NFRKB: variants seen among roughly 807,000 people sequenced by gnomAD.
The protein encoded by NFRKB is nuclear factor related to kappaB binding protein, also known as nuclear factor related to kappa-B-binding protein.
Under a neutral mutation model 135.7 loss-of-function variants are expected in NFRKB, and 62 were observed. The observed-to-expected ratio is 0.46, with a 90% CI of 0.37 to 0.56. NFRKB has a LOEUF of 0.56. NFRKB is among the 20% of genes least tolerant of loss of function. The pLI, the probability that NFRKB is intolerant of heterozygous loss-of-function variation, is 0.00. For synonymous variants in NFRKB, 678 were observed against 635.6 expected, an observed-to-expected ratio of 1.07 and a Z score of -1.00; for missense variants, 1,545 against 1,662.0, an observed-to-expected ratio of 0.93 and a Z score of 1.22.
At chr11:129,878,424 AC>A in intron 14 of NFRKB, 39 bp downstream of exon 14, 1 of 1,612,582 alleles carries the variant, frequency 6.2e-7, no homozygotes, top group Non-Finnish European at 8.5e-7. Context: ...AGCTCTGGAA[AC>A]CCAGTGAGAA....
chr11:129,867,350 G>T, intron 24 of NFRKB, among the ~76,000 whole-genome samples: 1 of 131,038 alleles, frequency 7.6e-6, no homozygotes, highest in African/African-American at 2.9e-5. Flanking sequence ...TTTTGAGACA[G>T]AGTCTTGCTC....
intron 24 of NFRKB, among the ~76,000 whole-genome samples, chr11:129,866,475 T>G (rs1215350202): frequency 6.6e-6 from 1 of 151,048 alleles, no homozygotes; most frequent in African/African-American, 2.4e-5. Context: ...GGGCCACTGG[T>G]GAGGAACAAA....
chr11:129,888,945 T>C, intron 3 of NFRKB, 150 bp from the exon 4 acceptor site: 1 of 599,076 alleles, frequency 1.7e-6, no homozygotes, highest in South Asian at 2.4e-5. Flanking sequence ...TGCATTCACA[T>C]TTGCTGTGCA....
chr11:129,878,560 G>C lies in NFRKB; in HGVS notation c.1385-17C>G. On this transcript the variant is annotated splice_polypyrimidine_tract_variant and intron_variant, in intron 13 of 26. Coordinates refer to ENST00000682444, the MANE Select transcript of NFRKB (RefSeq NM_001143835.2). The stretch of plus-strand genomic sequence containing the variant: ...GGGATTGGCCTATTAGAGGAATAAA[G>C]AGATAAAAAAATAAGAAGGTCTAAG... The C allele has an allele frequency of 3.1e-6, 5 of 1,602,158 alleles. No individual in the cohort carries two copies. Among genetic ancestry groups the C allele is most frequent in the Non-Finnish European group, 3.4e-6 (4 of 1,170,724 alleles).
chr11:129,894,264 G>A (rs898513619), intron 2 of NFRKB, 95 bp downstream of exon 2: 4 of 152,082 alleles, frequency 2.6e-5, no homozygotes, highest in African/African-American at 9.7e-5. Flanking sequence ...GGGCTAAAAA[G>A]CATACTAAAA....
chr11:129,875,048 T>C, intron 18 of NFRKB, 132 bp from the exon 19 acceptor site: 2 of 1,088,998 alleles, frequency 1.8e-6, no homozygotes, highest in Non-Finnish European at 2.7e-6. Context: ...TAGCTGCGTA[T>C]TCCCAATAGT....
chr11:129,887,293 C>CT (rs759498928), intron 4 of NFRKB, among the ~76,000 whole-genome samples: 3 of 152,274 alleles, frequency 2.0e-5, no homozygotes, highest in Non-Finnish European at 2.9e-5. Context: ...GAAAATGAGA[C>CT]TATCACATGA....
Position 129,881,786 on chromosome 11 carries a change from G to A in NFRKB, c.1259C>T (p.Ala420Val). 1.2e-6 allele frequency: 2 copies of A among 1,613,982 alleles called. No individual in the cohort carries two copies. The highest frequency in any genetic ancestry group is 1.7e-6 in the Non-Finnish European group (2 of 1,179,996). Residue 420 changes from alanine (A) to valine (V), a missense_variant, in exon 12 of 27, where the codon GCC becomes GTC. Ala to Val is a moderately conservative substitution (Grantham distance 64). Coordinates refer to ENST00000682444, the MANE Select transcript of NFRKB (RefSeq NM_001143835.2). ...TAGTACCAACTCAGCCCAGTTGGGG[G>A]CCGCAGAGAACCAGCTGTTGAGGGA... is the stretch of plus-strand genomic sequence containing the variant. ...ASSLNSWFSA[A>V]PNWAELVLPA... is the part of the protein sequence containing the mutation.
intron 8 of NFRKB, among the ~76,000 whole-genome samples, 173 bp from the exon 9 acceptor site, chr11:129,883,379 ATTAAC>A (rs1378943175): frequency 6.6e-6 from 1 of 152,218 alleles, no homozygotes; most frequent in African/African-American, 2.4e-5. Context: ...TCCCCATTTA[ATTAAC>A]TTGATACTGC....
At chr11:129,875,243 G>A in intron 18 of NFRKB, 114 bp downstream of exon 18, 1 of 912,444 alleles carries the variant, frequency 1.1e-6, no homozygotes, top group African/African-American at 1.7e-5. Flanking sequence ...ATTTTTCAAG[G>A]TATGTTTTTC....
chr11:129,876,710 G>C lies in NFRKB; in HGVS notation c.1747+11C>G. 1 of 1,609,780 alleles carries C rather than the reference G, an allele frequency of 6.2e-7. No individual in the cohort carries two copies. Among genetic ancestry groups the C allele is most frequent in the Non-Finnish European group, 8.5e-7 (1 of 1,177,542 alleles). ...GAAAGGGATCTCTGATAATCGACAC[G>C]TGCCACCTACCAAGAGACAGAATGG... On this transcript the variant is annotated intron_variant, in intron 17 of 26. Transcript: ENST00000682444.
In NFRKB at chr11:129,888,807, A is replaced by G; in HGVS notation, c.136-12T>C. The G allele has an allele frequency of 6.2e-7, 1 of 1,603,628 alleles. No homozygotes were observed. The highest frequency in any genetic ancestry group is 8.5e-7 in the Non-Finnish European group (1 of 1,172,626). On this transcript the variant is annotated splice_polypyrimidine_tract_variant and intron_variant, in intron 3 of 26. Transcript: ENST00000682444. Reference sequence around the variant, plus strand: ...AAGAAGATCTCAGGCTAGGAGAAATAGGAAAAGTAAACAAAAGTAAAATAA... The same window carrying G: ...AAGAAGATCTCAGGCTAGGAGAAATGGGAAAAGTAAACAAAAGTAAAATAA...
intron 24 of NFRKB, among the ~76,000 whole-genome samples, chr11:129,867,936 T>C (rs761001563): frequency 2.4e-4 from 36 of 152,162 alleles, no homozygotes; most frequent in Non-Finnish European, 5.1e-4. Flanking sequence ...TTTTGGCAAA[T>C]TTGAAAACTA....
At position 129,884,855 on chromosome 11, in the gene NFRKB, G is replaced by C. The variant is rs1332889568; in HGVS notation, c.641-9C>G. On this transcript the variant is annotated splice_polypyrimidine_tract_variant and intron_variant, in intron 6 of 26. Transcript: ENST00000682444. ...AAGCCATGAGCTGAGATCTTCAAAA[G>C]AAAATTGTTCTTGTAAATCCAACGT... 2 of 1,614,066 alleles carry C rather than the reference G, an allele frequency of 1.2e-6. No homozygotes were observed. Among genetic ancestry groups the C allele is most frequent in the Non-Finnish European group, 1.7e-6 (2 of 1,180,020 alleles).
intron 22 of NFRKB, 68 bp from the exon 23 acceptor site, chr11:129,873,164 G>A: frequency 7.3e-7 from 1 of 1,363,858 alleles, no homozygotes; most frequent in Non-Finnish European, 9.9e-7. Context: ...CTAAGCAAGA[G>A]TCTCCCTCAG....
At chr11:129,877,206 G>A in intron 16 of NFRKB, 119 bp downstream of exon 16, 3 of 1,011,570 alleles carry the variant, frequency 3.0e-6, no homozygotes, top group South Asian at 2.8e-5. Context: ...GCCAACAGAA[G>A]GTCTAAGGGG....
Position 129,878,300 on chromosome 11 carries a change from T to C in NFRKB, c.1511+9A>G. Reference sequence around the variant, plus strand: ...AGGACACCACCCACCACTACAGTATTGTACTCACACCCGAGGGACAGGTGT... The same window carrying C: ...AGGACACCACCCACCACTACAGTATCGTACTCACACCCGAGGGACAGGTGT... On this transcript the variant is annotated intron_variant, in intron 15 of 26. Transcript: ENST00000682444. 6.2e-7 allele frequency: 1 copy of C among 1,614,066 alleles called. No individual in the cohort carries two copies. The highest frequency in any genetic ancestry group is 1.3e-5 in the African/African-American group (1 of 75,038).
intron 12 of NFRKB, 97 bp from the exon 13 acceptor site, chr11:129,881,605 C>A: frequency 6.3e-7 from 1 of 1,591,510 alleles, no homozygotes; most frequent in Non-Finnish European, 8.6e-7. Context: ...AAAGCAGGAA[C>A]CTTCAAGGCA....
Position 129,870,264 on chromosome 11 carries a change from G to A in NFRKB, c.2764-3C>T. On this transcript the variant is annotated splice_region_variant and splice_polypyrimidine_tract_variant and intron_variant, in intron 23 of 26. Transcript: ENST00000682444. ...CCAAGCTGCCCAGTGATTGCCACCT[G>A]AATGGGGAGAAGCAGCACTGATGAG... 1 of 1,610,838 alleles carries A rather than the reference G, an allele frequency of 6.2e-7. No individual in the cohort carries two copies. The highest frequency in any genetic ancestry group is 8.5e-7 in the Non-Finnish European group (1 of 1,177,478).
Sources: allele counts gnomAD v4.1 joint callset (sites outside exome capture counted in the v4.1 genomes callset), GRCh38; gene constraint gnomAD v4.1.1; transcripts MANE v1.5; gene names NCBI Gene and HGNC (gene_info 2026-07-23, HGNC 2026-07-21).